The following GRAMD1B variants were observed in gnomAD, a reference collection of about 807,000 sequenced individuals.
GRAMD1B encodes the protein GRAM domain containing 1B.
GRAMD1B carries 37 observed loss-of-function variants against 99.7 expected under a neutral mutation model. The observed-to-expected ratio is 0.37, with a 90% confidence interval of 0.29 to 0.49. The LOEUF is 0.49. Among genes scored for constraint, GRAMD1B ranks in the 20% least tolerant of loss-of-function variants. GRAMD1B has a pLI of 0.98. For missense variants in GRAMD1B, 888 were observed against 1,009.2 expected (o/e 0.88, Z 1.63); for synonymous variants, 427 against 387.6 (o/e 1.10, Z -1.19).
intron 1 of GRAMD1B, among the ~76,000 whole-genome samples, chr11:123,379,921 G>A (rs1046629821): frequency 1.3e-5 from 2 of 152,154 alleles, no homozygotes; most frequent in African/African-American, 2.4e-5. Context: ...GTTTTGATTT[G>A]TATTTCCCTG....
chr11:123,600,528 CA>C lies in GRAMD1B; in HGVS notation c.1031del (p.Gln344ArgfsTer28). The C allele has an allele frequency of 6.2e-7, 1 of 1,611,914 alleles. No homozygotes were observed. Among genetic ancestry groups the C allele is most frequent in the Non-Finnish European group, 8.5e-7 (1 of 1,178,174 alleles). Reference protein sequence around the residue: ...RTYMMMFRLWQNALLEKPLCP... With the variant: ...RTYMMMFRLWXNALLEKPLCP... The stretch of plus-strand genomic sequence containing the variant: ...ATATATGATGATGTTCCGGCTCTGG[CA>C]GAATGCTCTCCTTGAAAAGGTAAGT... On this transcript the variant is annotated frameshift_variant, in exon 8 of 20. Transcript: ENST00000635736. LOFTEE classifies it high-confidence loss of function.
chr11:123,460,983 C>T (rs1475419639), intron 1 of GRAMD1B, among the ~76,000 whole-genome samples: 2 of 152,152 alleles, frequency 1.3e-5, no homozygotes, highest in Non-Finnish European at 2.9e-5. Flanking sequence ...GTCTTTCCCA[C>T]CTCGTGACCT....
At chr11:123,577,898 T>G (rs965738835) in intron 3 of GRAMD1B, among the ~76,000 whole-genome samples, 1 of 151,984 alleles carries the variant, frequency 6.6e-6, no homozygotes, top group Non-Finnish European at 1.5e-5. Context: ...ATTTGGTTCC[T>G]AGAGCCGGGG....
intron 12 of GRAMD1B, among the ~76,000 whole-genome samples, chr11:123,609,447 G>C (rs1201981135): frequency 1.3e-5 from 2 of 152,178 alleles, no homozygotes; most frequent in African/African-American, 4.8e-5. Context: ...GGGAGGTCAT[G>C]GCTTAGAGGA....
intron 1 of GRAMD1B, among the ~76,000 whole-genome samples, chr11:123,374,363 A>C (rs1182069170): frequency 6.6e-6 from 1 of 152,204 alleles, no homozygotes; most frequent in Admixed American, 6.5e-5. Context: ...TTCCTCTCTC[A>C]TAATAAACCC....
Position 123,582,985 on chromosome 11 carries a change from CAT to C in GRAMD1B, c.664-1326_664-1325del, listed in dbSNP as rs1491271393. 5.6e-4 allele frequency among the ~76,000 whole-genome samples: 85 copies of C among 152,244 alleles called. 1 individual carries two copies. In the South Asian group the frequency reaches 0.014, roughly 25 times the overall value. ...GCTCCACCGAGAGATGGAGCTTAGG[CAT>C]GTGTGTGTGTGCATGCGCAAGTGTG... On this transcript the variant is annotated intron_variant, in intron 3 of 19. Transcript: ENST00000635736.
At chr11:123,553,446 T>A (rs959681669) in intron 2 of GRAMD1B, among the ~76,000 whole-genome samples, 1 of 152,238 alleles carries the variant, frequency 6.6e-6, no homozygotes, top group East Asian at 1.9e-4. Context: ...GTGTACATGA[T>A]AAAATTTTAC....
chr11:123,610,353 A>C lies in GRAMD1B; in HGVS notation c.1919+15A>C, dbSNP rs1173308015. On this transcript the variant is annotated intron_variant, in intron 14 of 19. Transcript: ENST00000635736. This position sits in a 1 kb window ranked among gnomAD's most constrained non-coding sequence, Gnocchi z 4.1. ...AGCCGACTCAGGTGTGGTGTGTGGA[A>C]GTCCCAGTGCGGTCAGACGGGGGTC... The C allele has an allele frequency of 6.2e-7, 1 of 1,613,408 alleles. No homozygotes were observed. The highest frequency in any genetic ancestry group is 8.5e-7 in the Non-Finnish European group (1 of 1,179,500).
At chr11:123,371,631 T>G (rs1259934928) in intron 1 of GRAMD1B, among the ~76,000 whole-genome samples, 2 of 152,174 alleles carry the variant, frequency 1.3e-5, no homozygotes, top group South Asian at 4.1e-4. Flanking sequence ...TTCTGTGGGG[T>G]TGGTTCACCA....
intron 1 of GRAMD1B, among the ~76,000 whole-genome samples, chr11:123,461,984 T>TG (rs1432758652): frequency 2.7e-5 from 4 of 146,760 alleles, no homozygotes; most frequent in African/African-American, 5.2e-5. Context: ...TTTTTTTTTT[T>TG]GAAATGGGAT....
At position 123,577,424 on chromosome 11, in the gene GRAMD1B, G is replaced by C. The variant is rs1948834291; in HGVS notation, c.510G>C (p.Arg170=). ...TPACSPILRK[R]SRSPTPQNQD... ...CCTGCTCGCCCATCCTCCGGAAGCG[G>C]TCTCGCTCGCCAACCCCGCAGAACC... Residue 170 remains arginine (R), a synonymous_variant, in exon 3 of 20, where the codon CGG becomes CGC. Transcript: ENST00000635736. 6.9e-6 allele frequency: 11 copies of C among 1,600,782 alleles called. No homozygotes were observed. The highest frequency in any genetic ancestry group is 9.4e-6 in the Non-Finnish European group (11 of 1,174,196).
intron 1 of GRAMD1B, among the ~76,000 whole-genome samples, chr11:123,423,536 T>C (rs1418433543): frequency 6.6e-6 from 1 of 152,204 alleles, no homozygotes; most frequent in East Asian, 1.9e-4. Flanking sequence ...GCAGCTTCCA[T>C]TAATTCATTC....
chr11:123,528,792 C>T (rs1393846935), intron 2 of GRAMD1B, among the ~76,000 whole-genome samples: 2 of 151,932 alleles, frequency 1.3e-5, no homozygotes, highest in South Asian at 2.1e-4. Context: ...CTTACTATAA[C>T]CTCATGAAGC....
chr11:123,409,414 A>G (rs1461504335), intron 1 of GRAMD1B, among the ~76,000 whole-genome samples: 1 of 152,162 alleles, frequency 6.6e-6, no homozygotes, highest in Non-Finnish European at 1.5e-5. Context: ...TGCCGCAGTC[A>G]TCTCATCTGA....
chr11:123,508,359 A>G lies in GRAMD1B; in HGVS notation c.452+27466A>G, dbSNP rs549906051. On this transcript the variant is annotated intron_variant, in intron 2 of 19. Transcript: ENST00000635736. ...ATTTTCAGGATAAGTGTATCAAACCATCCATGAGGGCCACTCTCATGACCT... is the reference window on the plus strand; with the variant it reads ...ATTTTCAGGATAAGTGTATCAAACCGTCCATGAGGGCCACTCTCATGACCT... Among the ~76,000 whole-genome samples the G allele has an allele frequency of 1.1e-4, 17 of 152,242 alleles. No homozygotes were observed. The South Asian group carries it at 3.1e-3, about 28-fold the overall frequency.
At chr11:123,541,060 G>A (rs1043157473) in intron 2 of GRAMD1B, among the ~76,000 whole-genome samples, 1 of 151,574 alleles carries the variant, frequency 6.6e-6, no homozygotes, top group East Asian at 1.9e-4. Flanking sequence ...CGCAACCTCC[G>A]CCTCCCGGGT....
intron 1 of GRAMD1B, among the ~76,000 whole-genome samples, chr11:123,404,011 G>C (rs1947766886): frequency 6.6e-6 from 1 of 152,076 alleles, no homozygotes; most frequent in Admixed American, 6.6e-5. Context: ...AAAGAACCTA[G>C]GACATTTGAC....
At chr11:123,554,671 C>T (rs1415070578) in intron 2 of GRAMD1B, among the ~76,000 whole-genome samples, 1 of 152,084 alleles carries the variant, frequency 6.6e-6, no homozygotes, top group African/African-American at 2.4e-5. Flanking sequence ...GATTGTGCCA[C>T]TGCACTCCAG....
intron 19 of GRAMD1B, 93 bp downstream of exon 19, chr11:123,619,317 C>A: frequency 6.5e-7 from 1 of 1,531,200 alleles, no homozygotes; most frequent in Non-Finnish European, 8.8e-7. Flanking sequence ...TCTATCACCA[C>A]CCTCCAGACT....
Sources: allele counts gnomAD v4.1 joint callset (sites outside exome capture counted in the v4.1 genomes callset), GRCh38; gene constraint gnomAD v4.1.1; non-coding constraint Gnocchi (gnomAD v3.1); transcripts MANE v1.5; gene names NCBI Gene and HGNC (gene_info 2026-07-23, HGNC 2026-07-21).